ADAM18: variants seen among roughly 807,000 people sequenced by gnomAD.
ADAM18 encodes ADAM metallopeptidase domain 18.
Under a neutral mutation model 94.4 loss-of-function variants are expected in ADAM18, and 117 were observed. The observed-to-expected ratio is 1.24, with a 90% CI of 1.07 to 1.45. The LOEUF (loss-of-function observed/expected upper bound fraction) is 1.45. Ranked by LOEUF, ADAM18 falls within the 40% of genes most tolerant of loss-of-function variation. The pLI, the probability that ADAM18 is intolerant of heterozygous loss-of-function variation, is 0.00. For missense variants in ADAM18, 936 were observed against 880.0 expected (o/e 1.06, Z -0.81); for synonymous variants, 327 against 291.6 (o/e 1.12, Z -1.24).
At chr8:39,666,366 T>G (rs1820993346) in intron 13 of ADAM18, among the ~76,000 whole-genome samples, 1 of 152,100 alleles carries the variant, frequency 6.6e-6, no homozygotes, top group African/African-American at 2.4e-5. Context: ...TCTAGGAAAG[T>G]CTTTGTGTCT....
At chr8:39,695,096 CA>C (rs1435494326) in intron 17 of ADAM18, among the ~76,000 whole-genome samples, 1 of 151,430 alleles carries the variant, frequency 6.6e-6, no homozygotes, top group Non-Finnish European at 1.5e-5. Context: ...TTCCACTGTA[CA>C]GATGTACCAC....
chr8:39,697,699 C>G (rs938008626), intron 17 of ADAM18, among the ~76,000 whole-genome samples: 1 of 151,624 alleles, frequency 6.6e-6, no homozygotes, highest in Non-Finnish European at 1.5e-5. Flanking sequence ...AGTATGGTGG[C>G]TAAAATTAAC....
chr8:39,722,217 GTATATATATA>G (rs61542840), intron 18 of ADAM18, among the ~76,000 whole-genome samples: 2,350 of 91,242 alleles, frequency 0.026, 90 homozygotes, highest in African/African-American at 0.091. Context: ...GTGTGTGTGT[GTATATATATA>G]TATATATATA....
At chr8:39,634,276 T>G (rs1820015344) in intron 7 of ADAM18, among the ~76,000 whole-genome samples, 1 of 152,144 alleles carries the variant, frequency 6.6e-6, no homozygotes, top group Non-Finnish European at 1.5e-5. Context: ...GCAAGAGCTG[T>G]GGTGGCATGG....
chr8:39,706,044 A>G (rs147807548), intron 17 of ADAM18, among the ~76,000 whole-genome samples: 2 of 152,272 alleles, frequency 1.3e-5, no homozygotes, highest in East Asian at 3.8e-4. Flanking sequence ...ATAGTGGTTG[A>G]GGAATTTCAG....
intron 17 of ADAM18, among the ~76,000 whole-genome samples, chr8:39,700,926 A>G (rs1238749690): frequency 3.3e-5 from 5 of 150,550 alleles, no homozygotes; most frequent in Admixed American, 6.6e-5. Context: ...CATCCTGGCT[A>G]AAAAAAACGG....
intron 6 of ADAM18, among the ~76,000 whole-genome samples, chr8:39,615,565 T>C (rs1819412536): frequency 6.6e-6 from 1 of 152,076 alleles, no homozygotes; most frequent in African/African-American, 2.4e-5. Context: ...AGGAACATAC[T>C]TCAAAATAAT....
intron 6 of ADAM18, among the ~76,000 whole-genome samples, chr8:39,621,804 C>T (rs1819623311): frequency 6.6e-6 from 1 of 152,128 alleles, no homozygotes; most frequent in African/African-American, 2.4e-5. Context: ...AAGCTGTTAT[C>T]CTCATCAAAC....
chr8:39,620,373 A>AC (rs1491021730), intron 6 of ADAM18, among the ~76,000 whole-genome samples: 46 of 98,428 alleles, frequency 4.7e-4, no homozygotes, highest in Middle Eastern at 4.7e-3. Context: ...AAAAAAAAAA[A>AC]ACAAAAAAAA....
intron 2 of ADAM18, among the ~76,000 whole-genome samples, chr8:39,587,357 A>G (rs532701910): frequency 6.6e-6 from 1 of 152,360 alleles, no homozygotes; most frequent in South Asian, 2.1e-4. Context: ...GGAACTTTGT[A>G]TTCATTGAGC....
At chr8:39,697,383 T>G (rs1315135950) in intron 17 of ADAM18, among the ~76,000 whole-genome samples, 2 of 151,688 alleles carry the variant, frequency 1.3e-5, no homozygotes, top group Non-Finnish European at 3.0e-5. Context: ...TTGCTTTGGC[T>G]AAAATTTTGC....
At chr8:39,596,157 C>T (rs1263889689) in intron 2 of ADAM18, among the ~76,000 whole-genome samples, 2 of 152,178 alleles carry the variant, frequency 1.3e-5, no homozygotes, top group African/African-American at 4.8e-5. Flanking sequence ...TATCAGATCT[C>T]AGATGTTTGT....
At chr8:39,621,454 A>G (rs1261767800) in intron 6 of ADAM18, among the ~76,000 whole-genome samples, 1 of 151,838 alleles carries the variant, frequency 6.6e-6, no homozygotes, top group African/African-American at 2.4e-5. Context: ...GGCATTTTCT[A>G]GTGTTTCAAT....
chr8:39,699,853 T>C (rs1585993610), intron 17 of ADAM18, among the ~76,000 whole-genome samples: 1 of 152,288 alleles, frequency 6.6e-6, no homozygotes, highest in East Asian at 1.9e-4. Flanking sequence ...AGAAAAATCT[T>C]GAAATTTCTG....
chr8:39,715,709 C>A (rs1391571804), intron 18 of ADAM18, among the ~76,000 whole-genome samples: 1 of 151,914 alleles, frequency 6.6e-6, no homozygotes, highest in Non-Finnish European at 1.5e-5. Flanking sequence ...AAAAACAATT[C>A]ATTGAACAAC....
At chr8:39,644,157 A>T (rs776996267) in intron 10 of ADAM18, among the ~76,000 whole-genome samples, 5 of 152,176 alleles carry the variant, frequency 3.3e-5, no homozygotes, top group Non-Finnish European at 5.9e-5. Context: ...ATGTTCTCAG[A>T]TTTTTGTTTG....
At chr8:39,705,218 T>C (rs543912150) in intron 17 of ADAM18, among the ~76,000 whole-genome samples, 18 of 152,140 alleles carry the variant, frequency 1.2e-4, no homozygotes, top group Non-Finnish European at 2.5e-4. Context: ...TTCTTAGAAT[T>C]ATTGCCAGGT....
chr8:39,665,040 G>A (rs1331664420), intron 13 of ADAM18, among the ~76,000 whole-genome samples: 1 of 152,048 alleles, frequency 6.6e-6, no homozygotes, highest in Non-Finnish European at 1.5e-5. Context: ...TCATAAAAAG[G>A]ATAGGTGATG....
Position 39,668,205 on chromosome 8 carries a change from CT to C in ADAM18, c.1525+12del. On this transcript the variant is annotated intron_variant, in intron 14 of 19. Coordinates refer to ENST00000265707, the MANE Select transcript of ADAM18 (RefSeq NM_014237.3). ...CAAGATATTTGGAAAAGGTATTGCT[CT>C]TTCTTTCGTATTTATTTTACCTTAC... 1.2e-6 allele frequency: 2 copies of C among 1,612,834 alleles called. No individual in the cohort carries two copies. Among genetic ancestry groups the C allele is most frequent in the Non-Finnish European group, 1.7e-6 (2 of 1,178,928 alleles).
Sources: allele counts gnomAD v4.1 joint callset (sites outside exome capture counted in the v4.1 genomes callset), GRCh38; gene constraint gnomAD v4.1.1; transcripts MANE v1.5; gene names NCBI Gene and HGNC (gene_info 2026-07-23, HGNC 2026-07-21).